Variants in MAJIN observed in about 807,000 individuals in gnomAD.
MAJIN encodes membrane-anchored junction protein.
A neutral mutation model predicts 30.2 loss-of-function variants in MAJIN; 27 were observed. The ratio of observed to expected loss-of-function variants is 0.89; its 90% CI spans 0.66 to 1.23. The LOEUF (loss-of-function observed/expected upper bound fraction) is 1.23, where lower values mean the gene tolerates loss of function less well. Ranked by LOEUF, MAJIN falls within the 50% of genes most tolerant of loss-of-function variation. The pLI is 0.00. For missense variants in MAJIN, 253 were observed against 260.3 expected (o/e 0.97, Z 0.19); for synonymous variants, 78 against 91.6 (o/e 0.85, Z 0.85).
At chr11:64,965,031 T>C (rs550313457) in intron 1 of MAJIN, among the ~76,000 whole-genome samples, 9 of 152,342 alleles carry the variant, frequency 5.9e-5, no homozygotes, top group African/African-American at 2.2e-4. Flanking sequence ...ATAATGCATG[T>C]ATAATTGTTT....
intron 3 of MAJIN, among the ~76,000 whole-genome samples, chr11:64,957,548 T>C (rs958208654): frequency 1.3e-5 from 2 of 151,498 alleles, no homozygotes; most frequent in South Asian, 4.2e-4. Flanking sequence ...GGACTACAGG[T>C]CTGCACCACC....
chr11:64,959,858 T>A (rs1313820519), intron 2 of MAJIN, among the ~76,000 whole-genome samples: 2 of 152,202 alleles, frequency 1.3e-5, no homozygotes, highest in African/African-American at 4.8e-5. Context: ...ATCCAAAGGA[T>A]ACACCAATTA....
chr11:64,959,265 C>T (rs375056403), intron 3 of MAJIN, 40 bp downstream of exon 3: 99 of 1,512,930 alleles, frequency 6.5e-5, no homozygotes, highest in Middle Eastern at 5.1e-4. Flanking sequence ...CTAGCACTAA[C>T]TGGTGTTTGC....
chr11:64,944,364 A>G (rs1945419243), intron 8 of MAJIN, among the ~76,000 whole-genome samples: 2 of 152,176 alleles, frequency 1.3e-5, no homozygotes, highest in South Asian at 4.1e-4. Flanking sequence ...ACCCCTGCAC[A>G]TGGCACATCT....
rs1197672893 is a variant in MAJIN, at chr11:64,949,862, C to T, written c.230G>A (p.Ser77Asn). ...CAGGTGGGAAACTCTCTCCCATTTGCTTTTATCTGGAAAATGGTGCTAAGG... is the reference window on the plus strand; with the variant it reads ...CAGGTGGGAAACTCTCTCCCATTTGTTTTTATCTGGAAAATGGTGCTAAGG... The part of the protein sequence containing the change: ...TEHFIVFPYK[S>N]KWERVSHLKF... Residue 77 changes from serine (S) to asparagine (N), a missense_variant, in exon 6 of 11, where the codon AGC becomes AAC. By Grantham distance (46) the Ser-to-Asn change is conservative. Transcript: ENST00000301896. 2 of 1,603,670 alleles carry T rather than the reference C, an allele frequency of 1.2e-6. No individual in the cohort carries two copies. Among genetic ancestry groups the T allele is most frequent in the African/African-American group, 2.7e-5 (2 of 74,920 alleles).
intron 3 of MAJIN, among the ~76,000 whole-genome samples, chr11:64,958,826 T>C (rs928001191): frequency 6.6e-6 from 1 of 152,046 alleles, no homozygotes; most frequent in African/African-American, 2.4e-5. Flanking sequence ...GGTTTCACCA[T>C]GTTGGCCAGG....
chr11:64,951,918 T>C, intron 4 of MAJIN, among the ~76,000 whole-genome samples: 1 of 152,152 alleles, frequency 6.6e-6, no homozygotes, highest in East Asian at 1.9e-4. Context: ...AGACAGAATC[T>C]CGTTGTGTCA....
chr11:64,959,073 T>C (rs964875945), intron 3 of MAJIN, among the ~76,000 whole-genome samples: 2 of 133,040 alleles, frequency 1.5e-5, no homozygotes, highest in East Asian at 2.1e-4. Flanking sequence ...CTGGACAACA[T>C]AGCGAGATCT....
At chr11:64,965,325 GA>G (rs1393585905) in intron 1 of MAJIN, among the ~76,000 whole-genome samples, 1 of 152,082 alleles carries the variant, frequency 6.6e-6, no homozygotes, top group Non-Finnish European at 1.5e-5. Context: ...GGGTAGGGGG[GA>G]TAACTAAACC....
intron 10 of MAJIN, among the ~76,000 whole-genome samples, chr11:64,939,039 C>A (rs2136705512): frequency 6.6e-6 from 1 of 152,344 alleles, no homozygotes. Context: ...AAGTGATTCT[C>A]CTGCCTCAGC....
chr11:64,956,928 C>T (rs923363346), intron 3 of MAJIN, among the ~76,000 whole-genome samples: 5 of 151,790 alleles, frequency 3.3e-5, no homozygotes, highest in South Asian at 2.1e-4. Flanking sequence ...CATCACGCCT[C>T]GCTAATTTTT....
At chr11:64,953,479 C>T (rs1404183207) in intron 4 of MAJIN, among the ~76,000 whole-genome samples, 2 of 152,084 alleles carry the variant, frequency 1.3e-5, no homozygotes. Flanking sequence ...TGAAATAAAG[C>T]CTGCTCTGCT....
At chr11:64,943,888 C>A (rs1321240558) in intron 8 of MAJIN, among the ~76,000 whole-genome samples, 1 of 152,144 alleles carries the variant, frequency 6.6e-6, no homozygotes, top group East Asian at 1.9e-4. Flanking sequence ...TTTCTCATTT[C>A]TTTTTCTTAC....
At chr11:64,942,338 G>GT (rs1425090659) in intron 8 of MAJIN, among the ~76,000 whole-genome samples, 1 of 151,832 alleles carries the variant, frequency 6.6e-6, no homozygotes, top group African/African-American at 2.4e-5. Flanking sequence ...ACATGAATGA[G>GT]TTTTTTTAAT....
chr11:64,960,685 T>C (rs970378463), intron 1 of MAJIN, among the ~76,000 whole-genome samples: 11 of 152,360 alleles, frequency 7.2e-5, no homozygotes, highest in Admixed American at 7.2e-4. Context: ...CTATTTTCAT[T>C]ATGCTTTTCT....
intron 8 of MAJIN, 108 bp from the exon 9 acceptor site, chr11:64,940,754 C>G: frequency 1.1e-6 from 1 of 895,162 alleles, no homozygotes; most frequent in East Asian, 2.5e-5. Context: ...TGGGGCCTGG[C>G]TTCTGACTGC....
chr11:64,967,426 G>C (rs1353788088), intron 1 of MAJIN, among the ~76,000 whole-genome samples: 2 of 151,112 alleles, frequency 1.3e-5, no homozygotes, highest in African/African-American at 4.9e-5. Context: ...AAAGAAAAAA[G>C]AAAAAGAAAA....
At chr11:64,966,274 C>T (rs1487404312) in intron 1 of MAJIN, among the ~76,000 whole-genome samples, 1 of 151,840 alleles carries the variant, frequency 6.6e-6, no homozygotes. Flanking sequence ...GTGGCTCACC[C>T]CTGTAATCTT....
At chr11:64,952,246 G>A (rs562516172) in intron 4 of MAJIN, among the ~76,000 whole-genome samples, 12 of 151,888 alleles carry the variant, frequency 7.9e-5, no homozygotes, top group Admixed American at 6.6e-4. Context: ...GGAGTGCAAT[G>A]GCTTGGTCTC....
Sources: allele counts gnomAD v4.1 joint callset (sites outside exome capture counted in the v4.1 genomes callset), GRCh38; gene constraint gnomAD v4.1.1; transcripts MANE v1.5; gene names NCBI Gene and HGNC (gene_info 2026-07-23, HGNC 2026-07-21).